The following ERICH4 variants were observed in gnomAD, a reference collection of about 807,000 sequenced individuals.
The protein encoded by ERICH4 is glutamate rich 4, also known as glutamate-rich protein 4.
A neutral mutation model predicts 5.2 loss-of-function variants in ERICH4; 4 were observed. The observed-to-expected ratio is 0.77, with a 90% CI of 0.38 to 1.76. The LOEUF (loss-of-function observed/expected upper bound fraction) is 1.76, where lower values mean the gene tolerates loss of function less well. Among genes scored for constraint, ERICH4 ranks in the 40% most tolerant of loss-of-function variants. The probability of loss-of-function intolerance (pLI) is 0.04; values close to 1 mark genes in which losing one functional copy is unlikely to be tolerated. For missense variants in ERICH4, 164 were observed against 159.8 expected (o/e 1.03, Z -0.14); for synonymous variants, 75 against 68.7 (o/e 1.09, Z -0.45).
rs2122337529 is a variant in ERICH4, at chr19:41,443,178, G to A, written c.9G>A (p.Leu3=). The change falls in exon 1 of 2, where the codon CTG becomes CTA. Residue 3 remains leucine (L), a synonymous_variant. Transcript: ENST00000378187. ME[L]WRQLNQAGLV... is the part of the protein sequence containing the mutation. ...GCCATAGCTCAGAGACGATGGAACT[G>A]TGGAGGCAGCTGAATCAGGCTGGAC... The A allele has an allele frequency of 6.8e-7, 1 of 1,474,864 alleles. No homozygotes were observed. The highest frequency in any genetic ancestry group is 9.0e-7 in the Non-Finnish European group (1 of 1,111,494). 91.4% of individuals were successfully genotyped at this position (1,474,864 alleles called of 1,614,324 possible).
chr19:41,443,969 G>A, intron 1 of ERICH4, 37 bp from the exon 2 acceptor site: 1 of 1,510,748 alleles, frequency 6.6e-7, no homozygotes, highest in South Asian at 1.2e-5. Flanking sequence ...TTGCTCTCTG[G>A]GGTGGCATCC....
Sources: allele counts gnomAD v4.1 joint callset, GRCh38; gene constraint gnomAD v4.1.1; transcripts MANE v1.5; gene names NCBI Gene and HGNC (gene_info 2026-07-23, HGNC 2026-07-21).